TEX36: variants seen among roughly 807,000 people sequenced by gnomAD.
The protein encoded by TEX36 is testis expressed 36.
Under a neutral mutation model 13.6 loss-of-function variants are expected in TEX36, and 12 were observed. The observed-to-expected ratio is 0.88, with a 90% CI of 0.56 to 1.43. TEX36 has a LOEUF of 1.43. Ranked by LOEUF, TEX36 falls within the 40% of genes most tolerant of loss-of-function variation. The probability of loss-of-function intolerance (pLI) is 0.00; values close to 1 mark genes in which losing one functional copy is unlikely to be tolerated. For missense variants in TEX36, 224 were observed against 228.3 expected (o/e 0.98, Z 0.12); for synonymous variants, 93 against 83.0 (o/e 1.12, Z -0.65).
chr10:125,586,635 C>CAAAAAAAAAAAAAAAAAAAA (rs35078105), intron 3 of TEX36, among the ~76,000 whole-genome samples: 1 of 113,876 alleles, frequency 8.8e-6, no homozygotes, highest in Non-Finnish European at 1.7e-5. Context: ...ACTAAAAATC[C>CAAAAAAAAAAAAAAAAAAAA]AAAAAAAAAA....
chr10:125,666,721 T>TG (rs1405316158), intron 1 of TEX36, among the ~76,000 whole-genome samples: 1 of 151,992 alleles, frequency 6.6e-6, no homozygotes, highest in Non-Finnish European at 1.5e-5. Context: ...GAAAGGGTGA[T>TG]GGAGTTAGCA....
At chr10:125,617,613 C>T (rs1210468585), downstream of TEX36, among the ~76,000 whole-genome samples, 2 of 152,182 alleles carry the variant, frequency 1.3e-5, no homozygotes, top group Non-Finnish European at 2.9e-5. Flanking sequence ...TGAATATTGG[C>T]CCCAACTCTC....
chr10:125,649,116 T>A (rs186929513), intron 3 of TEX36, among the ~76,000 whole-genome samples: 3 of 152,106 alleles, frequency 2.0e-5, no homozygotes, highest in Admixed American at 6.6e-5. Flanking sequence ...CCCAACCTAG[T>A]GAGGCAGGCC....
intron 3 of TEX36, among the ~76,000 whole-genome samples, chr10:125,601,674 A>G (rs1846148626): frequency 6.6e-6 from 1 of 152,206 alleles, no homozygotes; most frequent in Non-Finnish European, 1.5e-5. Flanking sequence ...TGATGGCTCA[A>G]CTGGGGATCC....
At chr10:125,675,962 C>G (rs1302570847) in intron 1 of TEX36, among the ~76,000 whole-genome samples, 1 of 152,166 alleles carries the variant, frequency 6.6e-6, no homozygotes, top group African/African-American at 2.4e-5. Flanking sequence ...TAGTTTTATT[C>G]TACTGTGGTC....
intron 1 of TEX36, chr10:125,666,886 G>A: frequency 2.4e-6 from 1 of 421,306 alleles, no homozygotes; most frequent in Non-Finnish European, 4.5e-6. Flanking sequence ...TAGTAGGTAT[G>A]GTTAGAGATG....
intron 3 of TEX36, among the ~76,000 whole-genome samples, chr10:125,647,074 G>C (rs532179395): frequency 3.3e-5 from 5 of 152,136 alleles, no homozygotes; most frequent in Non-Finnish European, 5.9e-5. Flanking sequence ...AACAAATAGA[G>C]TTTGTCCCAA....
intron 3 of TEX36, among the ~76,000 whole-genome samples, chr10:125,616,309 T>C (rs1001201531): frequency 1.3e-5 from 2 of 151,352 alleles, no homozygotes; most frequent in Non-Finnish European, 2.9e-5. Context: ...ATTTTAGTTA[T>C]TTCTTGCCTT....
intron 3 of TEX36, among the ~76,000 whole-genome samples, chr10:125,641,954 T>C (rs1486166648): frequency 6.6e-6 from 1 of 152,246 alleles, no homozygotes; most frequent in African/African-American, 2.4e-5. Context: ...GGAGGTTATC[T>C]AATTTGCGTT....
At chr10:125,658,035 A>G (rs1192146166) in intron 3 of TEX36, among the ~76,000 whole-genome samples, 1 of 152,176 alleles carries the variant, frequency 6.6e-6, no homozygotes, top group Non-Finnish European at 1.5e-5. Flanking sequence ...AGCATAATAA[A>G]TAGGAAACAT....
At chr10:125,658,810 A>G (rs1332042218) in intron 3 of TEX36, among the ~76,000 whole-genome samples, 1 of 152,142 alleles carries the variant, frequency 6.6e-6, no homozygotes, top group African/African-American at 2.4e-5. Flanking sequence ...ATCATAGGCT[A>G]TTTGAAAGCA....
chr10:125,604,007 G>A lies in TEX36; in HGVS notation c.265-27133C>T, dbSNP rs534069163. Among the ~76,000 whole-genome samples, 10 of 152,294 alleles carry A rather than the reference G, an allele frequency of 6.6e-5. No homozygotes were observed. In the East Asian group the frequency reaches 7.7e-4, roughly 12 times the overall value. ...TTCAGTCCAGCCTCCCCCGGGACCC[G>A]AGAAGCTCAGAAAGTGCTTGCTGGT... On this transcript the variant is annotated intron_variant, in intron 3 of 3. Coordinates refer to the TEX36 transcript ENST00000532135.
intron 1 of TEX36, chr10:125,667,209 C>T (rs537295903): frequency 3.1e-6 from 2 of 642,668 alleles, no homozygotes; most frequent in African/African-American, 3.6e-5. Context: ...TGGCAATCTC[C>T]TCGTGAGAAA....
intron 3 of TEX36, among the ~76,000 whole-genome samples, chr10:125,640,991 C>T (rs775046066): frequency 3.3e-5 from 5 of 150,682 alleles, no homozygotes; most frequent in Non-Finnish European, 7.4e-5. Context: ...CGGGAATCTT[C>T]AATATGGGAC....
chr10:125,633,699 G>T (rs1417680212), intron 3 of TEX36, among the ~76,000 whole-genome samples: 1 of 152,144 alleles, frequency 6.6e-6, no homozygotes, highest in Non-Finnish European at 1.5e-5. Flanking sequence ...TTGATACGAG[G>T]TGCTGCTCAC....
Position 125,586,123 on chromosome 10 carries a change from A to T in TEX36, c.265-9249T>A, listed in dbSNP as rs1249333642. Among the ~76,000 whole-genome samples, 7 of 152,234 alleles carry T rather than the reference A, an allele frequency of 4.6e-5. 1 individual carries two copies. The South Asian group carries it at 8.3e-4, about 18-fold the overall frequency. ...GGCCGTCTGGGGCATCTGACAAAGCACACAAGTTTGTGTCCTATACACATG... is the reference window on the plus strand; with the variant it reads ...GGCCGTCTGGGGCATCTGACAAAGCTCACAAGTTTGTGTCCTATACACATG... On this transcript the variant is annotated intron_variant, in intron 3 of 3. Transcript: ENST00000532135.
chr10:125,623,617 C>G (rs1432286493), intron 3 of TEX36, among the ~76,000 whole-genome samples: 1 of 149,732 alleles, frequency 6.7e-6, no homozygotes, highest in Admixed American at 6.7e-5. Context: ...AGTCCCTGAT[C>G]AACCAAACCC....
intron 1 of TEX36, among the ~76,000 whole-genome samples, chr10:125,676,049 G>T (rs1847305424): frequency 6.6e-6 from 1 of 152,150 alleles, no homozygotes; most frequent in Non-Finnish European, 1.5e-5. Flanking sequence ...GTCTATCCTG[G>T]AGAATGTTCC....
chr10:125,616,555 T>G (rs564858723), intron 3 of TEX36, among the ~76,000 whole-genome samples: 5 of 100,584 alleles, frequency 5.0e-5, no homozygotes, highest in Admixed American at 5.0e-4. Flanking sequence ...CAGTAGTCAT[T>G]CAGGAGCAGG....
Sources: gnomAD v4.1 joint callset for allele counts (sites outside exome capture counted in the v4.1 genomes callset) on GRCh38, gnomAD v4.1.1 for gene constraint, MANE v1.5 for transcripts, NCBI Gene and HGNC (gene_info 2026-07-23, HGNC 2026-07-21) for gene names.